BRCA1: variants seen among roughly 807,000 people sequenced by gnomAD.
The protein encoded by BRCA1 is breast cancer type 1 susceptibility protein.
Under a neutral mutation model 173.7 loss-of-function variants are expected in BRCA1, and 140 were observed. The ratio of observed to expected loss-of-function variants is 0.81; its 90% CI spans 0.70 to 0.93. The LOEUF is 0.93. Among genes scored for constraint, BRCA1 ranks in the 40% least tolerant of loss-of-function variants. The pLI is 0.00. For missense variants in BRCA1, 1,983 were observed against 2,172.5 expected (o/e 0.91, Z 1.73); for synonymous variants, 662 against 756.0 (o/e 0.88, Z 2.04).
chr17:43,139,876 C>T (rs1162808459), intron 1 of BRCA1: 2 of 471,440 alleles, frequency 4.2e-6, no homozygotes, highest in Admixed American at 2.3e-5. Flanking sequence ...TGATCTTGTT[C>T]TTTTTTATGA....
intron 15 of BRCA1, among the ~76,000 whole-genome samples, chr17:43,069,408 G>A (rs188018039): frequency 5.7e-4 from 87 of 152,276 alleles, no homozygotes; most frequent in African/African-American, 2.0e-3. Context: ...AAGACAACAT[G>A]TACCCAAGCC....
At chr17:43,057,692 CG>C (rs902876471) in intron 18 of BRCA1, among the ~76,000 whole-genome samples, 1 of 148,994 alleles carries the variant, frequency 6.7e-6, no homozygotes, top group African/African-American at 2.5e-5. Flanking sequence ...AAAAATTAGC[CG>C]GGTGTAGTGG....
chr17:43,128,895 C>A (rs968435189), upstream of BRCA1, among the ~76,000 whole-genome samples: 2 of 151,028 alleles, frequency 1.3e-5, no homozygotes, highest in Non-Finnish European at 2.9e-5. Flanking sequence ...TGAGCTCAAG[C>A]GATCCTCCTG....
chr17:43,137,201 T>C (rs2056032400), intron 1 of BRCA1, among the ~76,000 whole-genome samples: 1 of 144,942 alleles, frequency 6.9e-6, no homozygotes, highest in Non-Finnish European at 1.5e-5. Flanking sequence ...AAACACCACA[T>C]GTTCTCATAG....
chr17:43,158,627 TA>T lies in BRCA1; in HGVS notation c.-20+11498del, dbSNP rs201627291. Among the ~76,000 whole-genome samples, 1,283 of 152,338 alleles carry T rather than the reference TA, an allele frequency of 8.4e-3. 9 individuals are homozygous for T. Among genetic ancestry groups the T allele is most frequent in the Non-Finnish European group, 0.014 (944 of 68,028 alleles). On this transcript the variant is annotated intron_variant, in intron 1 of 7. Coordinates refer to the BRCA1 transcript ENST00000634433. Reference sequence around the variant, plus strand: ...TTACTCACTATTAACCACCATATTTTAAAAAATTAATTGAAGAACTAATGTA... The same window carrying T: ...TTACTCACTATTAACCACCATATTTTAAAAATTAATTGAAGAACTAATGTA...
intron 1 of BRCA1, among the ~76,000 whole-genome samples, chr17:43,155,772 T>C (rs1270366885): frequency 6.6e-6 from 1 of 152,144 alleles, no homozygotes; most frequent in Non-Finnish European, 1.5e-5. Flanking sequence ...TGACCTCAAA[T>C]GATCCACCTG....
chr17:43,147,266 G>A (rs1384307734), intron 1 of BRCA1, among the ~76,000 whole-genome samples: 2 of 152,042 alleles, frequency 1.3e-5, no homozygotes, highest in African/African-American at 2.4e-5. Context: ...CTCGGCTCAC[G>A]GCAAGCTCTG....
chr17:43,101,051 T>C (rs1443777062), intron 6 of BRCA1, among the ~76,000 whole-genome samples: 1 of 151,380 alleles, frequency 6.6e-6, no homozygotes, highest in Non-Finnish European at 1.5e-5. Context: ...TTAAAAAGGA[T>C]AAATGATGAC....
At chr17:43,166,305 T>C (rs2056268069) in intron 1 of BRCA1, 1 of 152,382 alleles carries the variant, frequency 6.6e-6, no homozygotes, top group Non-Finnish European at 1.5e-5. Context: ...TATGCTGCTG[T>C]TCTCTCAACC....
In BRCA1 at chr17:43,097,149, G is replaced by T. The variant is rs184482532; in HGVS notation, c.593+95C>A. The T allele has an allele frequency of 9.7e-5, 124 of 1,284,572 alleles. 1 individual carries two copies. The Middle Eastern group carries it at 3.1e-3, about 32-fold the overall frequency. The allele number at this position is 1,284,572 out of a possible 1,614,324, so 79.6% of individuals were successfully genotyped here. On this transcript the variant is annotated intron_variant, in intron 8 of 22. Transcript: ENST00000357654. Reference sequence around the variant, plus strand: ...ATACATCCCTGAACCTAAAATAAAAGTTAAAATATTTTTAAAAAGAGAGAA... The same window carrying T: ...ATACATCCCTGAACCTAAAATAAAATTTAAAATATTTTTAAAAAGAGAGAA...
chr17:43,051,621 C>T (rs990287810), intron 19 of BRCA1, among the ~76,000 whole-genome samples: 2 of 151,792 alleles, frequency 1.3e-5, no homozygotes, highest in African/African-American at 4.8e-5. Context: ...GGTGTACATG[C>T]TCCTTGTCTC....
chr17:43,135,271 G>T (rs564113511), intron 1 of BRCA1, among the ~76,000 whole-genome samples: 9 of 151,754 alleles, frequency 5.9e-5, no homozygotes, highest in Admixed American at 5.9e-4. Flanking sequence ...CGATCCGCAG[G>T]CCTGCAGGGA....
chr17:43,101,911 T>C (rs2054492543), intron 6 of BRCA1, among the ~76,000 whole-genome samples: 1 of 152,078 alleles, frequency 6.6e-6, no homozygotes, highest in East Asian at 1.9e-4. Flanking sequence ...CAAGTAATTT[T>C]CCCTTTTTTT....
At chr17:43,047,558 T>C (rs2050967280) in intron 22 of BRCA1, 85 bp downstream of exon 22, 2 of 1,305,844 alleles carry the variant, frequency 1.5e-6, no homozygotes, top group Non-Finnish European at 1.1e-6. Context: ...CCAAGAACTG[T>C]GCTACTCAAG....
intron 1 of BRCA1, 160 bp downstream of exon 1, chr17:43,125,111 T>TCCCCC: frequency 2.8e-5 from 12 of 423,310 alleles, no homozygotes; most frequent in South Asian, 9.7e-5. Context: ...ACCTACAAAC[T>TCCCCC]GCCCCCCTCC....
At position 43,093,831 on chromosome 17, in the gene BRCA1, T is replaced by C; in HGVS notation, c.1700A>G (p.Asn567Ser). Residue 567 changes from asparagine (N) to serine (S), a missense_variant, in exon 10 of 23, where the codon AAT becomes AGT. Physicochemically the swap from Asn to Ser is conservative, Grantham distance 46. Coordinates refer to ENST00000357654, the MANE Select transcript of BRCA1 (RefSeq NM_007294.4). ...TTCGAGTGATTCTATTGGGTTAGGA[T>C]TTTTCTCATTCTGAATAGAATCACC... Reference protein sequence around the residue: ...TKGDSIQNEKNPNPIESLEKE... With the variant: ...TKGDSIQNEKSPNPIESLEKE... 1 of 1,613,448 alleles carries C rather than the reference T, an allele frequency of 6.2e-7. No homozygotes were observed. Among genetic ancestry groups the C allele is most frequent in the Non-Finnish European group, 8.5e-7 (1 of 1,179,904 alleles).
chr17:43,056,975 G>A lies in BRCA1; in HGVS notation c.5277+77C>T, dbSNP rs273901758. 5.4e-6 allele frequency: 7 copies of A among 1,305,314 alleles called. No individual in the cohort carries two copies. Among genetic ancestry groups the A allele is most frequent in the Non-Finnish European group, 6.7e-6 (6 of 898,684 alleles). The allele number at this position is 1,305,314 out of a possible 1,614,324, so 80.9% of individuals were successfully genotyped here. On this transcript the variant is annotated intron_variant, in intron 19 of 22. Coordinates refer to ENST00000357654, the MANE Select transcript of BRCA1 (RefSeq NM_007294.4). ...TGTAATAAGTCTTACAAAATGAAGC[G>A]GCCCATCTCTGCAAAGGGGAGTGGA...
chr17:43,051,139 G>C lies in BRCA1; in HGVS notation c.5278-22C>G, dbSNP rs185646848. 3 of 1,606,502 alleles carry C rather than the reference G, an allele frequency of 1.9e-6. No homozygotes were observed. The highest frequency in any genetic ancestry group is 1.7e-6 in the Non-Finnish European group (2 of 1,173,128). On this transcript the variant is annotated intron_variant, in intron 19 of 22. Coordinates refer to ENST00000357654, the MANE Select transcript of BRCA1 (RefSeq NM_007294.4). ...AGATCTGGAAGAAGAGAGGAAGAGA[G>C]AGGGACAGGGGAATGGAGAGAAGGA... is the stretch of plus-strand genomic sequence containing the variant.
At chr17:43,059,515 A>ACAACAC (rs1567766257) in intron 18 of BRCA1, among the ~76,000 whole-genome samples, 2 of 151,070 alleles carry the variant, frequency 1.3e-5, no homozygotes, top group African/African-American at 4.9e-5. Context: ...AACAACAACA[A>ACAACAC]ATTCTCACAT....
Sources: gnomAD v4.1 joint callset for allele counts (sites outside exome capture counted in the v4.1 genomes callset) on GRCh38, gnomAD v4.1.1 for gene constraint, MANE v1.5 for transcripts, NCBI Gene and HGNC (gene_info 2026-07-23, HGNC 2026-07-21) for gene names.